Variants in POPDC1 observed in about 807,000 individuals in gnomAD.
The protein encoded by POPDC1 is popeye domain cAMP effector 1, also known as popeye domain-containing protein 1.
chr6:105,106,631 G>A, the POPDC1 span, among the ~76,000 whole-genome samples: 1 of 152,160 alleles, frequency 6.6e-6, no homozygotes, highest in African/African-American at 2.4e-5. Context: ...GTGCTGGTTA[G>A]GGAGGAGGGG....
At chr6:105,120,810 G>A in the POPDC1 span, among the ~76,000 whole-genome samples, 117,600 of 152,086 alleles carry the variant, frequency 0.77, 47,696 homozygotes, top group Non-Finnish European at 0.88. Flanking sequence ...AGGACTGGCT[G>A]ACTGTCCTAA....
the POPDC1 span, among the ~76,000 whole-genome samples, chr6:105,127,266 G>A: frequency 1.3e-5 from 2 of 152,090 alleles, no homozygotes; most frequent in African/African-American, 2.4e-5. Context: ...GACACTAAGC[G>A]ATTTACCTAT....
chr6:105,124,850 T>C, the POPDC1 span, among the ~76,000 whole-genome samples: 3 of 152,128 alleles, frequency 2.0e-5, no homozygotes, highest in Non-Finnish European at 4.4e-5. Context: ...AAAAAAACAG[T>C]GTCCAGTATT....
the POPDC1 span, chr6:105,136,203 T>C: frequency 6.6e-5 from 10 of 152,262 alleles, no homozygotes; most frequent in Non-Finnish European, 1.5e-4. Context: ...GGCATTACAT[T>C]GCTAAGAGTC....
chr6:105,108,633 T>A, the POPDC1 span, among the ~76,000 whole-genome samples: 1 of 152,190 alleles, frequency 6.6e-6, no homozygotes, highest in East Asian at 1.9e-4. Context: ...AGGCATAAAG[T>A]AAACCGTGGC....
the POPDC1 span, among the ~76,000 whole-genome samples, chr6:105,120,323 A>C: frequency 6.6e-6 from 1 of 151,714 alleles, no homozygotes; most frequent in African/African-American, 2.4e-5. Flanking sequence ...GTTGGAAGCC[A>C]GTAGTTAGAG....
chr6:105,104,602 G>C, the POPDC1 span, among the ~76,000 whole-genome samples: 26 of 152,252 alleles, frequency 1.7e-4, no homozygotes, highest in Admixed American at 1.7e-3. Flanking sequence ...AGCGCAGGCA[G>C]GCCTCAGGGT....
the POPDC1 span, among the ~76,000 whole-genome samples, chr6:105,116,510 A>G: frequency 6.6e-6 from 1 of 152,222 alleles, no homozygotes; most frequent in African/African-American, 2.4e-5. Context: ...AGTCCCTGAC[A>G]ATTGTAGACT....
chr6:105,127,050 T>C, the POPDC1 span, among the ~76,000 whole-genome samples: 1 of 152,194 alleles, frequency 6.6e-6, no homozygotes, highest in South Asian at 2.1e-4. Flanking sequence ...GTCATACTAA[T>C]TGGGTGGATG....
the POPDC1 span, among the ~76,000 whole-genome samples, chr6:105,115,245 C>T: frequency 6.6e-6 from 1 of 152,178 alleles, no homozygotes; most frequent in African/African-American, 2.4e-5. Context: ...TGCCACCAAG[C>T]CCGGCTAATT....
At chr6:105,126,923 CA>C in the POPDC1 span, among the ~76,000 whole-genome samples, 1 of 152,146 alleles carries the variant, frequency 6.6e-6, no homozygotes, top group Non-Finnish European at 1.5e-5. Flanking sequence ...AACCCACTGG[CA>C]AATAAGGCTG....
At chr6:105,126,801 A>C in the POPDC1 span, among the ~76,000 whole-genome samples, 1 of 152,232 alleles carries the variant, frequency 6.6e-6, no homozygotes, top group Non-Finnish European at 1.5e-5. Context: ...AGCTGCAATC[A>C]CTGCTTCACA....
At chr6:105,129,892 T>G in the POPDC1 span, among the ~76,000 whole-genome samples, 1 of 152,192 alleles carries the variant, frequency 6.6e-6, no homozygotes, top group Non-Finnish European at 1.5e-5. Flanking sequence ...ATTGGACTGT[T>G]GTTGACCACA....
chr6:105,106,079 T>C, the POPDC1 span, among the ~76,000 whole-genome samples: 2 of 152,198 alleles, frequency 1.3e-5, no homozygotes, highest in Non-Finnish European at 2.9e-5. Context: ...AGGAAAAGAC[T>C]TCTGTAGTAA....
chr6:105,117,348 A>AG, the POPDC1 span, among the ~76,000 whole-genome samples: 1 of 150,406 alleles, frequency 6.6e-6, no homozygotes, highest in Non-Finnish European at 1.5e-5. Context: ...GAAAACTTCA[A>AG]GGGCCCTCGG....
chr6:105,113,689 CAA>C, the POPDC1 span, among the ~76,000 whole-genome samples: 2 of 152,172 alleles, frequency 1.3e-5, no homozygotes, highest in South Asian at 4.2e-4. Context: ...TTAATACCTT[CAA>C]AAAGTTACTA....
chr6:105,111,811 T>C, the POPDC1 span, among the ~76,000 whole-genome samples: 1 of 152,192 alleles, frequency 6.6e-6, no homozygotes, highest in Admixed American at 6.5e-5. Context: ...GTCACTTAGT[T>C]TCCCTCCACC....
the POPDC1 span, chr6:105,136,718 C>G: frequency 6.6e-6 from 1 of 152,234 alleles, no homozygotes; most frequent in Admixed American, 6.5e-5. Flanking sequence ...CCGCAGCGCC[C>G]AGACCCGGGG....
chr6:105,098,562 G>A, the POPDC1 span: 1 of 152,140 alleles, frequency 6.6e-6, no homozygotes, highest in African/African-American at 2.4e-5. Context: ...TTTCTACTCA[G>A]GGAAGGATGT....
Sources: gnomAD v4.1 joint callset for allele counts (sites outside exome capture counted in the v4.1 genomes callset) on GRCh38, gnomAD v4.1.1 for gene constraint, MANE v1.5 for transcripts, NCBI Gene and HGNC (gene_info 2026-07-23, HGNC 2026-07-21) for gene names.